GORASP2: variants seen among roughly 807,000 people sequenced by gnomAD.
GORASP2 encodes Golgi reassembly-stacking protein 2.
Under a neutral mutation model 45.7 loss-of-function variants are expected in GORASP2, and 22 were observed. The observed-to-expected ratio is 0.48, with a 90% CI of 0.34 to 0.69. The LOEUF is 0.69. Ranked by LOEUF, GORASP2 falls within the 30% of genes least tolerant of loss-of-function variation. The pLI is 0.01. For missense variants in GORASP2, 491 were observed against 562.7 expected, an observed-to-expected ratio of 0.87 and a Z score of 1.29; for synonymous variants, 221 against 215.6, an observed-to-expected ratio of 1.02 and a Z score of -0.22.
At chr2:170,949,825 T>G (rs1704259580) in intron 3 of GORASP2, 83 bp downstream of exon 3, 3 of 1,187,262 alleles carry the variant, frequency 2.5e-6, no homozygotes, top group Non-Finnish European at 3.8e-6. Context: ...TCTGGCTTAA[T>G]AAGATTGTAA....
chr2:170,952,688 G>T (rs551842068), intron 5 of GORASP2, among the ~76,000 whole-genome samples: 1 of 152,164 alleles, frequency 6.6e-6, no homozygotes, highest in African/African-American at 2.4e-5. Context: ...AGAATTGCAG[G>T]GTTTTGTTTG....
intron 1 of GORASP2, among the ~76,000 whole-genome samples, chr2:170,941,212 GT>G (rs1285771752): frequency 1.3e-5 from 2 of 152,028 alleles, no homozygotes; most frequent in African/African-American, 4.8e-5. Context: ...CAGTTAATGT[GT>G]TCATAATTTC....
intron 7 of GORASP2, among the ~76,000 whole-genome samples, chr2:170,957,056 C>T (rs996333081): frequency 6.6e-6 from 1 of 152,184 alleles, no homozygotes; most frequent in African/African-American, 2.4e-5. Context: ...TGGATACACA[C>T]GGGGTTTAAA....
chr2:170,960,881 G>A (rs1704542094), intron 7 of GORASP2, among the ~76,000 whole-genome samples: 1 of 152,210 alleles, frequency 6.6e-6, no homozygotes. Flanking sequence ...GCTACCATAT[G>A]TAAGCAGATC....
In GORASP2 at chr2:170,948,410, T is replaced by A. The variant is rs1293362013; in HGVS notation, c.124T>A (p.Ser42Thr). ...GLEPFFDFIV[S>T]INGSRLNKDN... ...GGAGCCTTTCTTTGATTTTATTGTT[T>A]CTATTAATGGTTCAAGATTAGTAAG... The change falls in exon 2 of 10, where the codon TCT becomes ACT. Residue 42 changes from serine (S) to threonine (T), a missense_variant. Transcript: ENST00000234160. The A allele has an allele frequency of 6.3e-7, 1 of 1,575,952 alleles. No homozygotes were observed. Among genetic ancestry groups the A allele is most frequent in the Non-Finnish European group, 8.7e-7 (1 of 1,146,556 alleles).
Position 170,929,708 on chromosome 2 carries a change from C to T in GORASP2, c.63+305C>T, listed in dbSNP as rs1410305093. 10 of 597,428 alleles carry T rather than the reference C, an allele frequency of 1.7e-5. No homozygotes were observed. The East Asian group carries it at 2.7e-4, about 16-fold the overall frequency. 37.0% of individuals were successfully genotyped at this position (597,428 alleles called of 1,614,324 possible). A position where few individuals can be genotyped will look rare whatever the true frequency, so the allele number is the denominator to read the frequency against. On this transcript the variant is annotated intron_variant, in intron 1 of 9. Coordinates refer to ENST00000234160, the MANE Select transcript of GORASP2 (RefSeq NM_015530.5). ...ACAACCTTGCTCTTTTTCCGCACGG[C>T]CTTCTCTCTCCTCCACCCCCCCTCA...
chr2:170,963,188 CA>C (rs1704605295), intron 9 of GORASP2, among the ~76,000 whole-genome samples: 1 of 152,094 alleles, frequency 6.6e-6, no homozygotes, highest in African/African-American at 2.4e-5. Context: ...GCCTGGCCAA[CA>C]TGGCAAAACC....
intron 1 of GORASP2, among the ~76,000 whole-genome samples, chr2:170,935,979 T>C (rs989981321): frequency 5.3e-5 from 8 of 152,146 alleles, no homozygotes; most frequent in Admixed American, 4.6e-4. Flanking sequence ...TTAATTATGG[T>C]TTCAGTAAGT....
intron 9 of GORASP2, among the ~76,000 whole-genome samples, chr2:170,963,470 T>TCCCCCCCCCCC (rs1251788180): frequency 3.0e-5 from 2 of 66,482 alleles, no homozygotes; most frequent in African/African-American, 6.6e-5. Context: ...CTCCTCCTCC[T>TCCCCCCCCCCC]CCCCCTCCTC....
At chr2:170,957,257 G>T (rs1704447450) in intron 7 of GORASP2, among the ~76,000 whole-genome samples, 2 of 152,112 alleles carry the variant, frequency 1.3e-5, no homozygotes, top group African/African-American at 4.8e-5. Flanking sequence ...TTGCTTAGGG[G>T]ACATGTGCCT....
Position 170,949,613 on chromosome 2 carries a change from C to T in GORASP2, c.219C>T (p.Ser73=), listed in dbSNP as rs146361069. 1.2e-4 allele frequency: 188 copies of T among 1,613,810 alleles called. No homozygotes were observed. In the African/African-American group the frequency reaches 2.2e-3, roughly 19 times the overall value. ...VEKPVKMLIY[S]SKTLELRETS... ...AGCCTGTAAAGATGCTTATCTATAG[C>T]AGCAAAACATTGGAACTGCGAGAGA... Residue 73 remains serine (S), a synonymous_variant, in exon 3 of 10, where the codon AGC becomes AGT. Transcript: ENST00000234160.
intron 2 of GORASP2, among the ~76,000 whole-genome samples, chr2:170,948,918 T>A (rs1704236230): frequency 6.6e-6 from 1 of 152,194 alleles, no homozygotes; most frequent in African/African-American, 2.4e-5. Context: ...AGTTTACCCA[T>A]AATAAAGTTC....
chr2:170,959,350 T>C (rs181771124), intron 7 of GORASP2, among the ~76,000 whole-genome samples: 31 of 152,354 alleles, frequency 2.0e-4, no homozygotes, highest in Admixed American at 1.6e-3. Context: ...CCTCATTACG[T>C]TGTAGTTATA....
At chr2:170,955,183 T>C (rs1704396759) in intron 6 of GORASP2, among the ~76,000 whole-genome samples, 1 of 151,912 alleles carries the variant, frequency 6.6e-6, no homozygotes, top group African/African-American at 2.4e-5. Context: ...CAGTCAGCCA[T>C]GTCAGGTAGT....
chr2:170,964,387 T>A (rs1704640857), intron 9 of GORASP2, among the ~76,000 whole-genome samples: 1 of 152,230 alleles, frequency 6.6e-6, no homozygotes, highest in African/African-American at 2.4e-5. Context: ...GCACAGTGGC[T>A]CACGCCTATA....
rs546855664 is a variant in GORASP2, at chr2:170,960,470, T to TTC, written c.824-1192_824-1191insCT. On this transcript the variant is annotated intron_variant, in intron 7 of 9. Transcript: ENST00000234160. ...GTCTTCCTGGCTTAGATTTAGTCAG[T>TTC]TATTTTTGAAACTTGTGAATGTATC... Among the ~76,000 whole-genome samples, 123 of 152,360 alleles carry TTC rather than the reference T, an allele frequency of 8.1e-4. 4 individuals carry two copies. The South Asian group carries it at 0.024, about 30-fold the overall frequency.
intron 1 of GORASP2, among the ~76,000 whole-genome samples, chr2:170,942,271 T>C (rs2105316190): frequency 6.6e-6 from 1 of 152,332 alleles, no homozygotes; most frequent in African/African-American, 2.4e-5. Context: ...GTATACAGTT[T>C]GGTGGGTTTT....
chr2:170,941,428 C>T (rs1173939737), intron 1 of GORASP2, among the ~76,000 whole-genome samples: 3 of 152,124 alleles, frequency 2.0e-5, no homozygotes, highest in Admixed American at 2.0e-4. Flanking sequence ...TCTTTTAAGG[C>T]TTTATATTAA....
rs571867454 is a variant in GORASP2 at position 170,966,419 on chromosome 2, C to T, written c.*289C>T. The T allele has an allele frequency of 7.8e-5, 37 of 472,950 alleles. No homozygotes were observed. Among genetic ancestry groups the T allele is most frequent in the African/African-American group, 4.5e-4 (23 of 50,870 alleles). The allele number at this position is 472,950 out of a possible 1,614,324, so 29.3% of individuals were successfully genotyped here. On this transcript the variant is annotated 3_prime_UTR_variant, in exon 10 of 10. Coordinates refer to ENST00000234160, the MANE Select transcript of GORASP2 (RefSeq NM_015530.5). The stretch of plus-strand genomic sequence containing the variant: ...TGCCGTTCCTGGGGGTGTGCATCTT[C>T]GGGAAAGGTGGTGGCGGGGCGTCCA...
Sources: allele counts gnomAD v4.1 joint callset (sites outside exome capture counted in the v4.1 genomes callset), GRCh38; gene constraint gnomAD v4.1.1; transcripts MANE v1.5; gene names NCBI Gene and HGNC (gene_info 2026-07-23, HGNC 2026-07-21).